Variants in ARPC1A observed in about 807,000 individuals in gnomAD.
ARPC1A encodes actin-related protein 2/3 complex subunit 1A.
Under a neutral mutation model 46.9 loss-of-function variants are expected in ARPC1A, and 8 were observed. The observed-to-expected ratio is 0.17, with a 90% CI of 0.10 to 0.31. The LOEUF (loss-of-function observed/expected upper bound fraction) is 0.31. Ranked by LOEUF, ARPC1A falls within the 10% of genes least tolerant of loss-of-function variation. ARPC1A has a pLI of 1.00. For missense variants in ARPC1A, 286 were observed against 483.6 expected (o/e 0.59, Z 3.83); for synonymous variants, 152 against 169.0 (o/e 0.90, Z 0.78).
intron 4 of ARPC1A, among the ~76,000 whole-genome samples, chr7:99,345,325 A>C (rs1793428296): frequency 6.6e-6 from 1 of 152,194 alleles, no homozygotes; most frequent in Admixed American, 6.6e-5. Flanking sequence ...ACTCACCAGA[A>C]TCTTAGAAGT....
At chr7:99,344,665 C>A in intron 4 of ARPC1A, 150 bp downstream of exon 4, 1 of 821,570 alleles carries the variant, frequency 1.2e-6, no homozygotes, top group Non-Finnish European at 1.9e-6. Context: ...ATTTTCCCTT[C>A]TCATGTGCAT....
In ARPC1A at chr7:99,359,533, G is replaced by A; in HGVS notation, c.790-12G>A. On this transcript the variant is annotated splice_polypyrimidine_tract_variant and intron_variant, in intron 7 of 9. Coordinates refer to ENST00000262942, the MANE Select transcript of ARPC1A (RefSeq NM_006409.4). ...AGTGCATCCTCCAGGGACTGACTGAGTCTTGTTTCAGGGCCATGACTGCTG... is the reference window on the plus strand; with the variant it reads ...AGTGCATCCTCCAGGGACTGACTGAATCTTGTTTCAGGGCCATGACTGCTG... 1 of 1,613,610 alleles carries A rather than the reference G, an allele frequency of 6.2e-7. No homozygotes were observed. Among genetic ancestry groups the A allele is most frequent in the African/African-American group, 1.3e-5 (1 of 74,980 alleles).
At chr7:99,332,604 ATT>A (rs57321957) in intron 1 of ARPC1A, among the ~76,000 whole-genome samples, 13 of 141,762 alleles carry the variant, frequency 9.2e-5, no homozygotes, top group Admixed American at 2.1e-4. Context: ...AATGAGATAG[ATT>A]TTTTTTTTTT....
chr7:99,359,281 C>CA (rs1469734317), intron 7 of ARPC1A, among the ~76,000 whole-genome samples: 3 of 151,942 alleles, frequency 2.0e-5, no homozygotes, highest in African/African-American at 7.2e-5. Flanking sequence ...ACTAAAAACA[C>CA]AAAAATTAGC....
At chr7:99,344,223 A>G in intron 3 of ARPC1A, 70 bp from the exon 4 acceptor site, 1 of 1,480,068 alleles carries the variant, frequency 6.8e-7, no homozygotes, top group Non-Finnish European at 9.4e-7. Context: ...TGCCAGTGCC[A>G]CCCACCTGCC....
intron 3 of ARPC1A, among the ~76,000 whole-genome samples, chr7:99,343,327 A>C (rs1793386545): frequency 6.6e-6 from 1 of 151,826 alleles, no homozygotes; most frequent in African/African-American, 2.4e-5. Context: ...TTAGCCGGGC[A>C]TGGTGGCATC....
At chr7:99,362,590 C>T (rs567049126) in intron 8 of ARPC1A, among the ~76,000 whole-genome samples, 5 of 150,884 alleles carry the variant, frequency 3.3e-5, no homozygotes, top group Non-Finnish European at 7.4e-5. Flanking sequence ...GATCTGCCCA[C>T]CTCGGCCTCC....
intron 1 of ARPC1A, among the ~76,000 whole-genome samples, chr7:99,330,023 A>G (rs1793118795): frequency 6.6e-6 from 1 of 152,146 alleles, no homozygotes; most frequent in South Asian, 2.1e-4. Flanking sequence ...GATATCAGAG[A>G]TAAAGAGAGA....
rs79831394 is a variant in ARPC1A at position 99,342,561 on chromosome 7, T to TA, written c.170-1729dup. Among the ~76,000 whole-genome samples, 1,687 of 151,768 alleles carry TA rather than the reference T, an allele frequency of 0.011. 120 individuals are homozygous for TA. In the South Asian group the frequency reaches 0.19, roughly 17 times the overall value. On this transcript the variant is annotated intron_variant, in intron 3 of 9. Transcript: ENST00000262942. ...CCCTGTCTCAAAAAAAAAAATCTAA[T>TA]AAAGAGGACAGCAAGCAAAATTATC...
chr7:99,348,815 T>C (rs754936123), intron 4 of ARPC1A, 37 bp from the exon 5 acceptor site: 7 of 1,561,122 alleles, frequency 4.5e-6, no homozygotes, highest in Non-Finnish European at 6.2e-6. Flanking sequence ...GGATGCTGGT[T>C]GAGTGGATAA....
intron 5 of ARPC1A, 73 bp from the exon 6 acceptor site, chr7:99,353,836 A>G: frequency 7.1e-7 from 1 of 1,417,318 alleles, no homozygotes; most frequent in Non-Finnish European, 9.8e-7. Context: ...TCCTTGTGGC[A>G]GCTGCCTATG....
chr7:99,345,388 C>T (rs1472086922), intron 4 of ARPC1A, among the ~76,000 whole-genome samples: 1 of 152,144 alleles, frequency 6.6e-6, no homozygotes, highest in Non-Finnish European at 1.5e-5. Context: ...CCAGTCAAAA[C>T]ACAGGTTTAT....
In ARPC1A at chr7:99,347,392, T is replaced by C. The variant is rs185442030; in HGVS notation, c.393-1460T>C. Among the ~76,000 whole-genome samples, 908 of 152,280 alleles carry C rather than the reference T, an allele frequency of 6.0e-3. 9 individuals carry two copies. Among genetic ancestry groups the C allele is most frequent in the African/African-American group, 0.021 (864 of 41,568 alleles). On this transcript the variant is annotated intron_variant, in intron 4 of 9. Transcript: ENST00000262942. ...GGCTGTCTTTTTCAGAATGAACTTCTTCAGACAGGATACTAAGAAAGTGAT... is the reference window on the plus strand; with the variant it reads ...GGCTGTCTTTTTCAGAATGAACTTCCTCAGACAGGATACTAAGAAAGTGAT...
intron 3 of ARPC1A, among the ~76,000 whole-genome samples, chr7:99,342,657 A>G (rs1421329322): frequency 6.6e-6 from 1 of 152,082 alleles, no homozygotes; most frequent in Non-Finnish European, 1.5e-5. Flanking sequence ...AGTGGTACAA[A>G]AAATTGAGCT....
chr7:99,338,378 ATTTTTTTTT>A lies in ARPC1A; in HGVS notation c.169+110_169+118del, dbSNP rs754747240. ...AGCCTAATAAACCCAGGTGGCCATA[ATTTTTTTTT>A]TTTTTTTTTTTTTTTTGAGAAGGAG... is the stretch of plus-strand genomic sequence containing the variant. On this transcript the variant is annotated intron_variant, in intron 3 of 9. Coordinates refer to ENST00000262942, the MANE Select transcript of ARPC1A (RefSeq NM_006409.4). 2.5e-5 allele frequency: 6 copies of A among 243,092 alleles called. No individual in the cohort carries two copies. In the South Asian group the frequency reaches 3.0e-4, roughly 12 times the overall value. The allele number at this position is 243,092 out of a possible 1,614,324, so 15.1% of individuals were successfully genotyped here.
In ARPC1A at chr7:99,344,199, G is replaced by A. The variant is rs73709644; in HGVS notation, c.170-94G>A. On this transcript the variant is annotated intron_variant, in intron 3 of 9. Transcript: ENST00000262942. Reference sequence around the variant, plus strand: ...CCTGGGAGGAAGGTCCCAAGACCACGTCTCATCCTGGCATGCCAGTGCCAC... The same window carrying A: ...CCTGGGAGGAAGGTCCCAAGACCACATCTCATCCTGGCATGCCAGTGCCAC... 2,428 of 1,153,132 alleles carry A rather than the reference G, an allele frequency of 2.1e-3. 33 individuals are homozygous for A. The African/African-American group carries it at 0.033, about 16-fold the overall frequency. The allele number at this position is 1,153,132 out of a possible 1,614,324, so 71.4% of individuals were successfully genotyped here. A position where few individuals can be genotyped will look rare whatever the true frequency, so the allele number is the denominator to read the frequency against.
intron 6 of ARPC1A, among the ~76,000 whole-genome samples, 161 bp from the exon 7 acceptor site, chr7:99,358,179 C>T (rs944319966): frequency 1.4e-4 from 22 of 152,176 alleles, no homozygotes; most frequent in Admixed American, 9.8e-4. Context: ...CTGCCCCTGT[C>T]TTGAGAGGCC....
chr7:99,342,402 A>C (rs1420649036), intron 3 of ARPC1A, among the ~76,000 whole-genome samples: 1 of 152,002 alleles, frequency 6.6e-6, no homozygotes, highest in Non-Finnish European at 1.5e-5. Context: ...AAAATTAGCC[A>C]GGCATGGTGG....
chr7:99,342,859 A>T (rs1420451876), intron 3 of ARPC1A, among the ~76,000 whole-genome samples: 2 of 150,720 alleles, frequency 1.3e-5, no homozygotes, highest in African/African-American at 4.9e-5. Context: ...AGTAGCTGGG[A>T]CTACACGCGC....
Sources: gnomAD v4.1 joint callset for allele counts (sites outside exome capture counted in the v4.1 genomes callset) on GRCh38, gnomAD v4.1.1 for gene constraint, MANE v1.5 for transcripts, NCBI Gene and HGNC (gene_info 2026-07-23, HGNC 2026-07-21) for gene names.